The following ADARB2 variants were observed in gnomAD, a reference collection of about 807,000 sequenced individuals.
ADARB2 encodes inactive double-stranded RNA-specific editase B2.
ADARB2 carries 25 observed loss-of-function variants against 62.2 expected under a neutral mutation model. The observed-to-expected ratio is 0.40, with a 90% CI of 0.29 to 0.56. ADARB2 has a LOEUF of 0.56. ADARB2 is among the 20% of genes least tolerant of loss of function. ADARB2 has a pLI of 0.43. For synonymous variants in ADARB2, 572 were observed against 500.8 expected (o/e 1.14, Z -1.90); for missense variants, 1,071 against 1,077.4 (o/e 0.99, Z 0.08).
chr10:1,558,906 G>A (rs874673), intron 1 of ADARB2, among the ~76,000 whole-genome samples: 33,959 of 149,562 alleles, frequency 0.23, 4,205 homozygotes, highest in African/African-American at 0.26. Flanking sequence ...TGTTTTATGC[G>A]TGGATGTTTA....
chr10:1,479,843 C>G (rs1831445167), intron 1 of ADARB2, among the ~76,000 whole-genome samples: 1 of 152,186 alleles, frequency 6.6e-6, no homozygotes, highest in East Asian at 1.9e-4. Context: ...TTTAGCTTCT[C>G]TCAATATCAA....
intron 3 of ADARB2, among the ~76,000 whole-genome samples, chr10:1,287,529 G>T (rs1420129654): frequency 6.6e-6 from 1 of 152,164 alleles, no homozygotes; most frequent in Non-Finnish European, 1.5e-5. Flanking sequence ...GGACATCCTA[G>T]CCCCTGGTAA....
At chr10:1,708,304 C>G (rs10903548) in intron 1 of ADARB2, among the ~76,000 whole-genome samples, 1 of 151,954 alleles carries the variant, frequency 6.6e-6, no homozygotes, top group African/African-American at 2.4e-5. Flanking sequence ...GGGCTCCCAA[C>G]GCCAGGGTGC....
chr10:1,181,849 G>A lies in ADARB2; in HGVS notation c.*1344C>T, dbSNP rs1294564993. On this transcript the variant is annotated 3_prime_UTR_variant, in exon 10 of 10. Transcript: ENST00000381312. ...ATGTTAGAAATGAGTTCTCGGAGGT[G>A]AGATGACAGCAGCTCGAGGTACATG... The A allele has an allele frequency of 6.6e-6, 1 of 152,212 alleles. No individual in the cohort carries two copies. The highest frequency in any genetic ancestry group is 1.5e-5 in the Non-Finnish European group (1 of 68,042). 9.4% of individuals were successfully genotyped at this position (152,212 alleles called of 1,614,324 possible).
intron 1 of ADARB2, among the ~76,000 whole-genome samples, chr10:1,481,686 A>C (rs11250562): frequency 2.0e-5 from 3 of 151,918 alleles, no homozygotes; most frequent in African/African-American, 4.8e-5. Context: ...GTGAAACCCC[A>C]TCTCTACTAA....
intron 1 of ADARB2, among the ~76,000 whole-genome samples, chr10:1,672,615 C>T (rs944523631): frequency 1.3e-5 from 2 of 150,436 alleles, no homozygotes; most frequent in South Asian, 2.1e-4. Context: ...GCCTGCCTCC[C>T]TCCATGGACA....
Position 1,701,641 on chromosome 10 carries a change from A to G in ADARB2, c.100+35410T>C, listed in dbSNP as rs867182364. ...CTACCAGGAGACCGGGCACTCGCCAACACACACAATCCCACTCCACCGGGA... is the reference window on the plus strand; with the variant it reads ...CTACCAGGAGACCGGGCACTCGCCAGCACACACAATCCCACTCCACCGGGA... On this transcript the variant is annotated intron_variant, in intron 1 of 9. Coordinates refer to ENST00000381312, the MANE Select transcript of ADARB2 (RefSeq NM_018702.4). Among the ~76,000 whole-genome samples the G allele has an allele frequency of 1.9e-4, 5 of 26,702 alleles. 1 individual carries two copies. The highest frequency in any genetic ancestry group is 5.4e-4 in the African/African-American group (5 of 9,282). 17.5% of individuals were successfully genotyped at this position (26,702 alleles called of 152,430 possible).
At chr10:1,540,813 A>AC (rs1832413633) in intron 1 of ADARB2, among the ~76,000 whole-genome samples, 1 of 44,380 alleles carries the variant, frequency 2.3e-5, no homozygotes, top group African/African-American at 6.7e-5. Flanking sequence ...AGCCATCCAG[A>AC]CCCCACTCAG....
intron 7 of ADARB2, among the ~76,000 whole-genome samples, chr10:1,206,707 T>C (rs1415751052): frequency 6.6e-6 from 1 of 152,206 alleles, no homozygotes; most frequent in Non-Finnish European, 1.5e-5. Flanking sequence ...CCTCCGTCTC[T>C]GCGTCTCTGT....
chr10:1,597,020 C>T (rs968061744), intron 1 of ADARB2, among the ~76,000 whole-genome samples: 5 of 151,964 alleles, frequency 3.3e-5, no homozygotes, highest in African/African-American at 9.7e-5. Flanking sequence ...CCAGGAGCCA[C>T]GAGACTCAAG....
intron 1 of ADARB2, among the ~76,000 whole-genome samples, chr10:1,578,311 T>C (rs1029133111): frequency 6.6e-6 from 1 of 152,046 alleles, no homozygotes; most frequent in African/African-American, 2.4e-5. Context: ...TTAAAAATAT[T>C]GCGTTACTAA....
intron 1 of ADARB2, among the ~76,000 whole-genome samples, chr10:1,413,357 G>A (rs113674938): frequency 1.2e-4 from 18 of 152,232 alleles, no homozygotes; most frequent in South Asian, 6.2e-4. Context: ...GTCGGGTCTC[G>A]CAGAATGGAG....
chr10:1,249,440 T>TAAA (rs1349370114), intron 4 of ADARB2, among the ~76,000 whole-genome samples: 1 of 105,140 alleles, frequency 9.5e-6, no homozygotes, highest in African/African-American at 4.5e-5. Context: ...AGACCCTGTC[T>TAAA]CAAAAAAAAA....
intron 1 of ADARB2, among the ~76,000 whole-genome samples, chr10:1,525,592 G>T (rs916935259): frequency 2.0e-5 from 3 of 152,124 alleles, no homozygotes; most frequent in Admixed American, 2.0e-4. Flanking sequence ...TCTGTGGGTT[G>T]CATCTGTGTC....
rs149678781 is a variant in ADARB2, at chr10:1,289,029, C to G, written c.1078-17960G>C. On this transcript the variant is annotated intron_variant, in intron 3 of 9. Coordinates refer to ENST00000381312, the MANE Select transcript of ADARB2 (RefSeq NM_018702.4). ...CCTCCATTGTGGAATTCAGGAAAAG[C>G]CAACCAGCCTTAACATCAACAAAGA... Among the ~76,000 whole-genome samples, 86 of 152,214 alleles carry G rather than the reference C, an allele frequency of 5.6e-4. 2 individuals carry two copies. The South Asian group carries it at 0.013, about 23-fold the overall frequency.
chr10:1,380,890 G>T (rs777385574), intron 1 of ADARB2, among the ~76,000 whole-genome samples: 6 of 152,152 alleles, frequency 3.9e-5, no homozygotes, highest in Non-Finnish European at 5.9e-5. Context: ...ATTCAGTCTG[G>T]AGGATCTCAA....
At chr10:1,304,172 G>T (rs1380673866) in intron 3 of ADARB2, among the ~76,000 whole-genome samples, 1 of 152,116 alleles carries the variant, frequency 6.6e-6, no homozygotes, top group East Asian at 1.9e-4. Context: ...ATAAAGGGAT[G>T]GAGGAAGATC....
intron 1 of ADARB2, among the ~76,000 whole-genome samples, chr10:1,532,663 G>A (rs1718517298): frequency 2.6e-5 from 4 of 152,150 alleles, no homozygotes; most frequent in South Asian, 2.1e-4. Context: ...AGGTCATCAC[G>A]GGCCTCTTCT....
chr10:1,261,858 C>T (rs957665755), intron 4 of ADARB2, among the ~76,000 whole-genome samples: 1 of 149,726 alleles, frequency 6.7e-6, no homozygotes, highest in Admixed American at 6.6e-5. Flanking sequence ...TTTATTGTGG[C>T]ATTATTCACA....
Sources: allele counts gnomAD v4.1 joint callset (sites outside exome capture counted in the v4.1 genomes callset), GRCh38; gene constraint gnomAD v4.1.1; transcripts MANE v1.5; gene names NCBI Gene and HGNC (gene_info 2026-07-23, HGNC 2026-07-21).